Variants in IST1 observed in about 807,000 individuals in gnomAD.
IST1 encodes IST1 factor associated with ESCRT-III.
Under a neutral mutation model 37.0 loss-of-function variants are expected in IST1, and 23 were observed. The observed-to-expected ratio is 0.62, with a 90% CI of 0.45 to 0.88. The LOEUF (loss-of-function observed/expected upper bound fraction) is 0.88. Ranked by LOEUF, IST1 falls within the 40% of genes least tolerant of loss-of-function variation. The pLI is 0.00. For missense variants in IST1, 488 were observed against 445.4 expected, an observed-to-expected ratio of 1.10 and a Z score of -0.86; for synonymous variants, 180 against 161.7, an observed-to-expected ratio of 1.11 and a Z score of -0.86.
rs1300668200 is a variant in IST1 at position 71,923,031 on chromosome 16, TAAG to T, written c.760-254_760-252del. ...TTGTAGATAAGATGGTCATTGGTAGTAAGAAAGTCTCGTTAGAGTTTTCCCTTG... is the reference window on the plus strand; with the variant it reads ...TTGTAGATAAGATGGTCATTGGTAGTAAAGTCTCGTTAGAGTTTTCCCTTG... On this transcript the variant is annotated intron_variant, in intron 7 of 9. Transcript: ENST00000378799. 3 of 467,698 alleles carry T rather than the reference TAAG, an allele frequency of 6.4e-6. No individual in the cohort carries two copies. In the East Asian group the frequency reaches 1.2e-4, roughly 18 times the overall value. The allele number at this position is 467,698 out of a possible 1,614,324, so 29.0% of individuals were successfully genotyped here.
In IST1 at chr16:71,898,964, C is replaced by CAA. The variant is rs10711796; in HGVS notation, c.-16+3393_-16+3394dup. Among the ~76,000 whole-genome samples, 9 of 110,282 alleles carry CAA rather than the reference C, an allele frequency of 8.2e-5. No homozygotes were observed. The East Asian group carries it at 1.8e-3, about 22-fold the overall frequency. 72.3% of individuals were successfully genotyped at this position (110,282 alleles called of 152,430 possible). A position where few individuals can be genotyped will look rare whatever the true frequency, so the allele number is the denominator to read the frequency against. On this transcript the variant is annotated intron_variant, in intron 1 of 9. Transcript: ENST00000378799. ...TGGGCAGCAGAGCAAGCCTCTATCT[C>CAA]AAAAAAAAAAAAAAAAAAAGAAACA...
intron 1 of IST1, 79 bp downstream of exon 1, chr16:71,895,668 G>T: frequency 1.9e-6 from 1 of 535,232 alleles, no homozygotes; most frequent in Non-Finnish European, 2.4e-6. Flanking sequence ...TCTCTAGTTA[G>T]CGCTAGGGCC....
chr16:71,894,451 G>A (rs2142506673), upstream of IST1: 1 of 175,598 alleles, frequency 5.7e-6, no homozygotes, highest in Non-Finnish European at 1.2e-5. Flanking sequence ...CCTCTGTGTT[G>A]GCCAGGCTGG....
chr16:71,894,592 C>T (rs2142506860), upstream of IST1: 2 of 431,884 alleles, frequency 4.6e-6, no homozygotes, highest in Non-Finnish European at 4.2e-6. Flanking sequence ...GTGACGTGAT[C>T]ACGGTTTACT....
At position 71,922,626 on chromosome 16, in the gene IST1, CATGCCT is replaced by C. The variant is rs770521492; in HGVS notation, c.711_716del (p.Met238_Pro239del). 0.018 allele frequency: 28,789 copies of C among 1,580,804 alleles called. 322 individuals carry two copies. The highest frequency in any genetic ancestry group is 0.024 in the East Asian group (1,075 of 44,372). On this transcript the variant is annotated inframe_deletion, in exon 7 of 10. Coordinates refer to ENST00000378799, the MANE Select transcript of IST1 (RefSeq NM_001270975.2). ...CGGTGCCAATGCCCATGCCCATGCC[CATGCCT>C]ATGCCATCTGCAAATACGCCTTTCT...
At chr16:71,901,280 C>G (rs1218565579) in intron 1 of IST1, among the ~76,000 whole-genome samples, 1 of 152,020 alleles carries the variant, frequency 6.6e-6, no homozygotes, top group African/African-American at 2.4e-5. Context: ...GTAGCACGAT[C>G]TCGGCTCACT....
intron 1 of IST1, among the ~76,000 whole-genome samples, chr16:71,914,735 C>G (rs2037432267): frequency 6.6e-6 from 1 of 152,140 alleles, no homozygotes; most frequent in Non-Finnish European, 1.5e-5. Flanking sequence ...TCCTACTGCT[C>G]TTTCTTTCTT....
chr16:71,921,465 C>T lies in IST1; in HGVS notation c.552+12C>T, dbSNP rs747520505. 122 of 1,512,618 alleles carry T rather than the reference C, an allele frequency of 8.1e-5. No homozygotes were observed. The highest frequency in any genetic ancestry group is 9.7e-5 in the Non-Finnish European group (106 of 1,088,938). 93.7% of individuals were successfully genotyped at this position (1,512,618 alleles called of 1,614,324 possible). A position where few individuals can be genotyped will look rare whatever the true frequency, so the allele number is the denominator to read the frequency against. On this transcript the variant is annotated intron_variant, in intron 6 of 9. Transcript: ENST00000378799. The stretch of plus-strand genomic sequence containing the variant: ...ACTCTGTGGTCATGGTAAGTTTATC[C>T]CAGAATACAAAGAAAAATGAGTTTG...
chr16:71,895,168 C>G (rs2036936144), upstream of IST1: 1 of 247,826 alleles, frequency 4.0e-6, no homozygotes, highest in Non-Finnish European at 8.0e-6. Context: ...AGAGGCGGTA[C>G]TGGCAGCCGG....
intron 1 of IST1, among the ~76,000 whole-genome samples, chr16:71,906,923 G>A (rs558655326): frequency 1.3e-5 from 2 of 152,110 alleles, no homozygotes; most frequent in East Asian, 3.9e-4. Context: ...CCAGCTACTT[G>A]GGAGGCTGAG....
chr16:71,916,421 T>A (rs760697908), intron 2 of IST1, 41 bp from the exon 3 acceptor site: 1 of 1,598,784 alleles, frequency 6.3e-7, no homozygotes, highest in South Asian at 1.1e-5. Context: ...CAGATGCAAG[T>A]GCTCTACTGC....
At chr16:71,915,094 A>C (rs1207384455) in intron 1 of IST1, among the ~76,000 whole-genome samples, 1 of 152,172 alleles carries the variant, frequency 6.6e-6, no homozygotes, top group African/African-American at 2.4e-5. Flanking sequence ...CTTGGGTACT[A>C]GCTTTTCCCC....
intron 1 of IST1, among the ~76,000 whole-genome samples, chr16:71,905,895 G>A (rs967471825): frequency 2.0e-5 from 3 of 152,034 alleles, no homozygotes; most frequent in Non-Finnish European, 1.5e-5. Context: ...GACTTGCAGA[G>A]CCATCTGTAA....
chr16:71,923,536 G>A (rs981866700), intron 8 of IST1, 156 bp downstream of exon 8: 8 of 473,958 alleles, frequency 1.7e-5, no homozygotes, highest in Non-Finnish European at 2.7e-5. Context: ...ACACTACCCT[G>A]GAAATGTGGA....
intron 4 of IST1, among the ~76,000 whole-genome samples, chr16:71,920,077 C>G (rs914516146): frequency 1.3e-5 from 2 of 152,174 alleles, no homozygotes; most frequent in Admixed American, 6.5e-5. Flanking sequence ...ACCTCACAGT[C>G]TGGGCTACAC....
chr16:71,913,039 T>C (rs1157584291), intron 1 of IST1, among the ~76,000 whole-genome samples: 1 of 152,216 alleles, frequency 6.6e-6, no homozygotes, highest in Non-Finnish European at 1.5e-5. Context: ...CTCTTGGCCA[T>C]TGTGAATAAT....
chr16:71,924,702 GCTT>G, intron 8 of IST1, 64 bp from the exon 9 acceptor site: 1 of 1,226,170 alleles, frequency 8.2e-7, no homozygotes, highest in South Asian at 1.2e-5. Flanking sequence ...AAACACAGGG[GCTT>G]ACACCAGTAC....
At chr16:71,926,558 G>A (rs1006850141) in intron 9 of IST1, among the ~76,000 whole-genome samples, 1 of 151,996 alleles carries the variant, frequency 6.6e-6, no homozygotes, top group African/African-American at 2.4e-5. Flanking sequence ...ATGTTAGCCA[G>A]GATGGTCTTG....
chr16:71,922,433 T>C (rs761679516), intron 6 of IST1, 41 bp from the exon 7 acceptor site: 2 of 1,565,918 alleles, frequency 1.3e-6, no homozygotes, highest in Admixed American at 1.7e-5. Flanking sequence ...AACCTGGCCT[T>C]GGACATGGGT....
Sources: allele counts gnomAD v4.1 joint callset (sites outside exome capture counted in the v4.1 genomes callset), GRCh38; gene constraint gnomAD v4.1.1; transcripts MANE v1.5; gene names NCBI Gene and HGNC (gene_info 2026-07-23, HGNC 2026-07-21).